The following SPOP variants were observed in gnomAD, a reference collection of about 807,000 sequenced individuals.
SPOP encodes the protein speckle type BTB/POZ protein, also known as speckle-type POZ protein.
Under a neutral mutation model 45.6 loss-of-function variants are expected in SPOP, and 11 were observed. The ratio of observed to expected loss-of-function variants is 0.24; its 90% CI spans 0.15 to 0.40. The LOEUF (loss-of-function observed/expected upper bound fraction) is 0.40, where lower values mean the gene tolerates loss of function less well. Among genes scored for constraint, SPOP ranks in the 10% least tolerant of loss-of-function variants. The pLI is 1.00. For synonymous variants in SPOP, 166 were observed against 166.3 expected, an observed-to-expected ratio of 1.00 and a Z score of 0.01; for missense variants, 152 against 465.6, an observed-to-expected ratio of 0.33 and a Z score of 6.20.
intron 1 of SPOP, among the ~76,000 whole-genome samples, chr17:49,671,388 T>C (rs73987373): frequency 0.012 from 1,790 of 151,540 alleles, 29 homozygotes; most frequent in African/African-American, 0.04. Context: ...GGGAAGAAAA[T>C]GTCATATACA....
Position 49,662,332 on chromosome 17 carries a change from T to C in SPOP, c.-67+15601A>G, listed in dbSNP as rs1440758941. ...AATGGTTTCCCCTAAGATTATTATA[T>C]ACTTGAAAGACTATCTGGCTGAAAA... On this transcript the variant is annotated intron_variant, in intron 1 of 9. Transcript: ENST00000504102. Among the ~76,000 whole-genome samples, 13 of 152,110 alleles carry C rather than the reference T, an allele frequency of 8.5e-5. No homozygotes were observed. In the East Asian group the frequency reaches 1.7e-3, roughly 20 times the overall value.
chr17:49,616,968 G>A (rs1366288974), intron 5 of SPOP, among the ~76,000 whole-genome samples: 1 of 152,210 alleles, frequency 6.6e-6, no homozygotes, highest in Non-Finnish European at 1.5e-5. Flanking sequence ...GGGAGAGAGC[G>A]AGCGAGCTGG....
At chr17:49,609,872 T>TA (rs2071931862) in intron 6 of SPOP, among the ~76,000 whole-genome samples, 1 of 151,466 alleles carries the variant, frequency 6.6e-6, no homozygotes, top group South Asian at 2.1e-4. Flanking sequence ...AGCAAGGGTA[T>TA]AACCGGTAGA....
intron 1 of SPOP, among the ~76,000 whole-genome samples, chr17:49,644,505 G>A (rs186176516): frequency 7.2e-4 from 109 of 152,264 alleles, no homozygotes; most frequent in Middle Eastern, 6.8e-3. Context: ...GACCAGAAAA[G>A]ATATGTACAA....
intron 1 of SPOP, among the ~76,000 whole-genome samples, chr17:49,676,594 C>T (rs2073202491): frequency 6.6e-6 from 1 of 152,194 alleles, no homozygotes; most frequent in South Asian, 2.1e-4. Flanking sequence ...AGTTATCCAG[C>T]TAGGAGACGG....
intron 6 of SPOP, among the ~76,000 whole-genome samples, chr17:49,610,138 T>C (rs1419408426): frequency 6.6e-6 from 1 of 152,078 alleles, no homozygotes; most frequent in Non-Finnish European, 1.5e-5. Context: ...TGCCTAAACA[T>C]CTGTAGAAAA....
At chr17:49,670,732 A>G (rs990624680) in intron 1 of SPOP, among the ~76,000 whole-genome samples, 5 of 152,196 alleles carry the variant, frequency 3.3e-5, no homozygotes, top group Admixed American at 2.6e-4. Context: ...ACAGTACATG[A>G]CAGAAAGCCA....
At chr17:49,623,276 G>A (rs2072257348) in intron 1 of SPOP, among the ~76,000 whole-genome samples, 1 of 152,126 alleles carries the variant, frequency 6.6e-6, no homozygotes, top group Admixed American at 6.5e-5. Flanking sequence ...CCAAAGTGCT[G>A]AGATTACAGG....
At chr17:49,632,115 GATC>G (rs1023163119) in intron 1 of SPOP, among the ~76,000 whole-genome samples, 3 of 152,096 alleles carry the variant, frequency 2.0e-5, no homozygotes, top group African/African-American at 7.2e-5. Flanking sequence ...TCTCTTTTGG[GATC>G]ATTTTTCCCT....
At chr17:49,641,784 G>A (rs370483699) in intron 1 of SPOP, among the ~76,000 whole-genome samples, 2 of 152,088 alleles carry the variant, frequency 1.3e-5, no homozygotes, top group Non-Finnish European at 2.9e-5. Flanking sequence ...CGCTTTGGGA[G>A]GCCGAGGTGG....
Position 49,611,261 on chromosome 17 carries a change from C to G in SPOP, c.658+19G>C, listed in dbSNP as rs1567773118. On this transcript the variant is annotated intron_variant, in intron 6 of 9. Transcript: ENST00000504102. ...TTATTTCACCAAAACTATAAAATTC[C>G]TCATGAATAAATACCAACCTGCTAA... is the stretch of plus-strand genomic sequence containing the variant. The G allele has an allele frequency of 1.2e-6, 2 of 1,600,936 alleles. No homozygotes were observed. Among genetic ancestry groups the G allele is most frequent in the Non-Finnish European group, 1.7e-6 (2 of 1,173,388 alleles).
At chr17:49,642,318 C>G (rs1194345775) in intron 1 of SPOP, among the ~76,000 whole-genome samples, 1 of 151,816 alleles carries the variant, frequency 6.6e-6, no homozygotes, top group Non-Finnish European at 1.5e-5. Context: ...GAGGCCAAGG[C>G]AGGCAGATCA....
intron 1 of SPOP, among the ~76,000 whole-genome samples, chr17:49,672,843 A>C (rs1198281235): frequency 6.6e-6 from 1 of 152,192 alleles, no homozygotes; most frequent in Non-Finnish European, 1.5e-5. Context: ...GCTCCTCAGA[A>C]GACTAAGGCA....
chr17:49,617,162 G>A (rs1262119057), intron 5 of SPOP, among the ~76,000 whole-genome samples: 2 of 152,128 alleles, frequency 1.3e-5, no homozygotes, highest in African/African-American at 4.8e-5. Flanking sequence ...TAAAGGTTAT[G>A]GTATTGCCTA....
intron 1 of SPOP, among the ~76,000 whole-genome samples, chr17:49,633,884 G>A (rs2072496359): frequency 6.6e-6 from 1 of 152,004 alleles, no homozygotes; most frequent in Admixed American, 6.6e-5. Context: ...TCTCCATTTG[G>A]ATGGAGGATC....
At position 49,600,959 on chromosome 17, in the gene SPOP, A is replaced by G. The variant is rs1189759785; in HGVS notation, c.981-437T>C. The G allele has an allele frequency of 3.0e-5, 5 of 169,236 alleles. No homozygotes were observed. Among genetic ancestry groups the G allele is most frequent in the African/African-American group, 9.5e-5 (4 of 42,106 alleles). The allele number at this position is 169,236 out of a possible 1,614,324, so 10.5% of individuals were successfully genotyped here. A position where few individuals can be genotyped will look rare whatever the true frequency, so the allele number is the denominator to read the frequency against. ...TATCAAAAAAGAGGGGAGGATAACC[A>G]TACTTCATTCAATGGTTAATATCTC... On this transcript the variant is annotated intron_variant, in intron 9 of 9. Coordinates refer to ENST00000504102, the MANE Select transcript of SPOP (RefSeq NM_001007228.2). The surrounding 1 kb of genome is among the most constrained non-coding windows in gnomAD (Gnocchi z 4.2).
intron 5 of SPOP, among the ~76,000 whole-genome samples, chr17:49,618,223 T>C (rs1478086056): frequency 6.6e-6 from 1 of 152,230 alleles, no homozygotes. Flanking sequence ...CCCAGTTGAC[T>C]GGAGATTTTA....
intron 6 of SPOP, among the ~76,000 whole-genome samples, chr17:49,608,313 C>T (rs1226493808): frequency 2.0e-5 from 3 of 152,132 alleles, no homozygotes; most frequent in Admixed American, 6.5e-5. Context: ...GGAACTGACA[C>T]CATACTTTCT....
intron 1 of SPOP, among the ~76,000 whole-genome samples, chr17:49,629,576 C>A (rs1193253193): frequency 6.6e-6 from 1 of 152,140 alleles, no homozygotes; most frequent in Non-Finnish European, 1.5e-5. Context: ...GAACTAAACT[C>A]TTGCATAATC....
Sources: allele counts gnomAD v4.1 joint callset (sites outside exome capture counted in the v4.1 genomes callset), GRCh38; gene constraint gnomAD v4.1.1; non-coding constraint Gnocchi (gnomAD v3.1); transcripts MANE v1.5; gene names NCBI Gene and HGNC (gene_info 2026-07-23, HGNC 2026-07-21).